PAPLN: variants seen among roughly 807,000 people sequenced by gnomAD.
PAPLN encodes papilin.
PAPLN carries 146 observed loss-of-function variants against 159.0 expected under a neutral mutation model. The observed-to-expected ratio is 0.92, with a 90% CI of 0.80 to 1.05. The LOEUF (loss-of-function observed/expected upper bound fraction) is 1.05, where lower values mean the gene tolerates loss of function less well. Ranked by LOEUF, PAPLN falls within the 50% of genes least tolerant of loss-of-function variation. The pLI is 0.00. For missense variants in PAPLN, 1,720 were observed against 1,743.9 expected (o/e 0.99, Z 0.24); for synonymous variants, 734 against 702.9 (o/e 1.04, Z -0.70).
Position 73,251,563 on chromosome 14 carries a change from C to T in PAPLN, c.667C>T (p.Leu223=), listed in dbSNP as rs1168697525. The T allele has an allele frequency of 1.2e-6, 2 of 1,612,896 alleles. No homozygotes were observed. Among genetic ancestry groups the T allele is most frequent in the East Asian group, 2.2e-5 (1 of 44,886 alleles). The change falls in exon 8 of 27, where the codon CTG becomes TTG. Residue 223 remains leucine (L), a synonymous_variant. Transcript: ENST00000644200. ...IDEAAASRNF[L]AVKNVRGEYY... ...CGAGGCTGCTGCCAGCAGGAACTTC[C>T]TGGGTGAGAGCCTAGGGTTAGGTCC...
rs754464711 is a variant in PAPLN at position 73,264,348 on chromosome 14, A to G, written c.2986+13A>G. The stretch of plus-strand genomic sequence containing the variant: ...CTTCGCATCATAGGTCTCTGTCCCC[A>G]CCCCATCCACCAGTGCGTTCTCAGG... On this transcript the variant is annotated intron_variant, in intron 21 of 26. Transcript: ENST00000644200. 2 of 1,608,552 alleles carry G rather than the reference A, an allele frequency of 1.2e-6. No individual in the cohort carries two copies. The highest frequency in any genetic ancestry group is 1.7e-6 in the Non-Finnish European group (2 of 1,176,920).
rs1462222116 is a variant in PAPLN, at chr14:73,263,644, G to C, written c.2724-1G>C. ...GCAGATCTCACTTCCCACCTCTCCA[G>C]GATTAGCTTGGCAGGTGTGGAGCCC... is the stretch of plus-strand genomic sequence containing the variant. On this transcript the variant is annotated splice_acceptor_variant, in intron 19 of 26. Coordinates refer to ENST00000644200, the MANE Select transcript of PAPLN (RefSeq NM_001365906.3). LOFTEE classifies it high-confidence loss of function. 1.2e-6 allele frequency: 2 copies of C among 1,613,738 alleles called. No homozygotes were observed. Among genetic ancestry groups the C allele is most frequent in the South Asian group, 2.2e-5 (2 of 91,088 alleles).
chr14:73,249,610 G>C (rs181179987), intron 5 of PAPLN, among the ~76,000 whole-genome samples: 2 of 145,112 alleles, frequency 1.4e-5, no homozygotes, highest in East Asian at 4.2e-4. Flanking sequence ...GGAGGCGGAG[G>C]TTGCAGTGAG....
At chr14:73,272,342 C>A (rs3087637) in intron 26 of PAPLN, 153 bp from the exon 27 acceptor site, 116,428 of 630,274 alleles carry the variant, frequency 0.18, 13,503 homozygotes, top group Non-Finnish European at 0.23. Context: ...AGAGTTTGTA[C>A]GTATGGTTAA....
At chr14:73,241,174 C>T (rs1883503458) in intron 2 of PAPLN, among the ~76,000 whole-genome samples, 1 of 152,122 alleles carries the variant, frequency 6.6e-6, no homozygotes, top group Non-Finnish European at 1.5e-5. Context: ...CAACATGGGC[C>T]ACAGCTGGAG....
intron 6 of PAPLN, 23 bp downstream of exon 6, chr14:73,250,137 C>A: frequency 6.3e-7 from 1 of 1,589,730 alleles, no homozygotes; most frequent in Non-Finnish European, 8.6e-7. Flanking sequence ...CCAGCCCCTC[C>A]CTGCCTCCGG....
chr14:73,264,574 T>G lies in PAPLN; in HGVS notation c.2987-14T>G. 1 of 1,593,162 alleles carries G rather than the reference T, an allele frequency of 6.3e-7. No homozygotes were observed. Among genetic ancestry groups the G allele is most frequent in the Non-Finnish European group, 8.5e-7 (1 of 1,173,606 alleles). ...CTCACAGCTCACACCTTGTTTCTCCTGGCCTCATGACAGGGGGTGACATGG... is the reference window on the plus strand; with the variant it reads ...CTCACAGCTCACACCTTGTTTCTCCGGGCCTCATGACAGGGGGTGACATGG... On this transcript the variant is annotated splice_polypyrimidine_tract_variant and intron_variant, in intron 21 of 26. Transcript: ENST00000644200.
chr14:73,244,540 C>G, intron 2 of PAPLN, 104 bp from the exon 3 acceptor site: 1 of 971,452 alleles, frequency 1.0e-6, no homozygotes, highest in Non-Finnish European at 1.6e-6. Context: ...GAATCCCAGA[C>G]TCCTTGATGG....
chr14:73,266,932 C>A, intron 25 of PAPLN, 101 bp downstream of exon 25: 1 of 1,175,078 alleles, frequency 8.5e-7, no homozygotes, highest in Non-Finnish European at 1.2e-6. Context: ...CCACTGCTTC[C>A]ATTCCGGCTT....
chr14:73,251,372 T>C (rs1315341691), intron 7 of PAPLN, 114 bp from the exon 8 acceptor site: 2 of 1,156,202 alleles, frequency 1.7e-6, no homozygotes, highest in Non-Finnish European at 2.4e-6. Context: ...CCTGTCTGGC[T>C]CTTGTGTACC....
At position 73,245,922 on chromosome 14, in the gene PAPLN, G is replaced by A. The variant is rs1884208403; in HGVS notation, c.232-151G>A. 2.2e-6 allele frequency: 2 copies of A among 904,308 alleles called. No homozygotes were observed. Among genetic ancestry groups the A allele is most frequent in the African/African-American group, 1.7e-5 (1 of 58,170 alleles). The allele number at this position is 904,308 out of a possible 1,614,324, so 56.0% of individuals were successfully genotyped here. On this transcript the variant is annotated intron_variant, in intron 4 of 26. Transcript: ENST00000644200. This position sits in a 1 kb window ranked among gnomAD's most constrained non-coding sequence, Gnocchi z 4.2. Reference sequence around the variant, plus strand: ...GCACCATGGAGGGGCACGCACAGGAGTTCGGGGGTCCGGGGGGCGGACTCC... The same window carrying A: ...GCACCATGGAGGGGCACGCACAGGAATTCGGGGGTCCGGGGGGCGGACTCC...
intron 2 of PAPLN, 126 bp downstream of exon 2, chr14:73,239,958 G>A: frequency 7.0e-7 from 1 of 1,424,474 alleles, no homozygotes; most frequent in Non-Finnish European, 9.2e-7. Context: ...GGGAGGAGGC[G>A]AGCCCGCACC....
chr14:73,268,495 C>G, intron 25 of PAPLN, 62 bp from the exon 26 acceptor site: 2 of 1,522,288 alleles, frequency 1.3e-6, no homozygotes, highest in South Asian at 2.5e-5. Flanking sequence ...ATTACCTCTT[C>G]CCTCTGTCTC....
chr14:73,258,450 C>T (rs945563969), intron 14 of PAPLN, among the ~76,000 whole-genome samples: 1 of 151,832 alleles, frequency 6.6e-6, no homozygotes, highest in Non-Finnish European at 1.5e-5. Context: ...ATAACACGTG[C>T]ACATTTTATA....
In PAPLN at chr14:73,264,593, GAC is replaced by G; in HGVS notation, c.2994_2995del (p.Met999GlyfsTer5). Reference sequence around the variant, plus strand: ...TTCTCCTGGCCTCATGACAGGGGGTGACATGGCCGTGCTGTCTGAGGCTGAGC... The same window carrying G: ...TTCTCCTGGCCTCATGACAGGGGGTGATGGCCGTGCTGTCTGAGGCTGAGC... ...QKIQLRIIGGDMAVLSEAELS... is the reference protein window; with the variant it reads ...QKIQLRIIGGXMAVLSEAELS... On this transcript the variant is annotated frameshift_variant, in exon 22 of 27. Transcript: ENST00000644200. LOFTEE classifies it high-confidence loss of function. The G allele has an allele frequency of 1.3e-6, 2 of 1,597,838 alleles. No individual in the cohort carries two copies. Among genetic ancestry groups the G allele is most frequent in the Non-Finnish European group, 1.7e-6 (2 of 1,175,470 alleles).
At chr14:73,253,718 C>T (rs1885569981) in intron 11 of PAPLN, 36 bp from the exon 12 acceptor site, 2 of 1,548,630 alleles carry the variant, frequency 1.3e-6, no homozygotes, top group South Asian at 1.2e-5. Flanking sequence ...TGCCCATGCT[C>T]CTGGGCCAGC....
chr14:73,252,694 A>G lies in PAPLN; in HGVS notation c.1013A>G (p.Tyr338Cys), dbSNP rs1431210272. The part of the protein sequence containing the change: ...LVFCTIDHEA[Y>C]PDHMCQRQPR... ...TTCTGCACCATCGACCATGAGGCCTACCCCGACCACATGTGCCAGCGCCAG... is the reference window on the plus strand; with the variant it reads ...TTCTGCACCATCGACCATGAGGCCTGCCCCGACCACATGTGCCAGCGCCAG... Residue 338 changes from tyrosine (Y) to cysteine (C), a missense_variant, in exon 11 of 27, where the codon TAC (tyrosine) becomes TGC (cysteine). By Grantham distance (194) the Tyr-to-Cys change is radical. Transcript: ENST00000644200. The G allele has an allele frequency of 5.0e-6, 8 of 1,613,166 alleles. No homozygotes were observed. The highest frequency in any genetic ancestry group is 6.8e-6 in the Non-Finnish European group (8 of 1,179,980).
intron 9 of PAPLN, 70 bp from the exon 10 acceptor site, chr14:73,251,948 G>C: frequency 6.4e-7 from 1 of 1,555,684 alleles, no homozygotes; most frequent in Non-Finnish European, 8.7e-7. Context: ...CTGGCAGGGG[G>C]CTGTGAGGCT....
rs368552832 is a variant in PAPLN at position 73,249,397 on chromosome 14, T to C, written c.335-587T>C. ...TTTAAAGAGTAGCCTGTTATGGCCA[T>C]GCACAGTGGTTTACACCTGTAATCC... On this transcript the variant is annotated intron_variant, in intron 5 of 26. Transcript: ENST00000644200. Among the ~76,000 whole-genome samples the C allele has an allele frequency of 2.0e-5, 3 of 152,112 alleles. No individual in the cohort carries two copies. The East Asian group carries it at 5.8e-4, about 29-fold the overall frequency.
Sources: allele counts gnomAD v4.1 joint callset (sites outside exome capture counted in the v4.1 genomes callset), GRCh38; gene constraint gnomAD v4.1.1; non-coding constraint Gnocchi (gnomAD v3.1); transcripts MANE v1.5; gene names NCBI Gene and HGNC (gene_info 2026-07-23, HGNC 2026-07-21).